CDC14A: variants seen among roughly 807,000 people sequenced by gnomAD.
CDC14A encodes cell division cycle 14A.
CDC14A carries 53 observed loss-of-function variants against 74.4 expected under a neutral mutation model. The ratio of observed to expected loss-of-function variants is 0.71; its 90% CI spans 0.57 to 0.89. The LOEUF (loss-of-function observed/expected upper bound fraction) is 0.89, where lower values mean the gene tolerates loss of function less well. Ranked by LOEUF, CDC14A falls within the 40% of genes least tolerant of loss-of-function variation. CDC14A has a pLI of 0.00. For synonymous variants in CDC14A, 247 were observed against 258.4 expected (o/e 0.96, Z 0.43); for missense variants, 646 against 713.7 (o/e 0.91, Z 1.08).
chr1:100,477,783 T>C (rs1431207087), intron 10 of CDC14A, among the ~76,000 whole-genome samples: 1 of 152,212 alleles, frequency 6.6e-6, no homozygotes, highest in Non-Finnish European at 1.5e-5. Flanking sequence ...CTGAACAAGT[T>C]AAAGTGATTG....
intron 5 of CDC14A, among the ~76,000 whole-genome samples, chr1:100,435,677 A>G (rs971948082): frequency 6.6e-6 from 1 of 151,990 alleles, no homozygotes; most frequent in African/African-American, 2.4e-5. Context: ...AAAAATACAA[A>G]AATTAGCCAG....
intron 10 of CDC14A, among the ~76,000 whole-genome samples, chr1:100,471,064 A>T (rs1325996614): frequency 6.6e-6 from 1 of 152,190 alleles, no homozygotes; most frequent in African/African-American, 2.4e-5. Context: ...ATATCATAAT[A>T]TGTTCATAAA....
chr1:100,515,275 C>G (rs1650094144), intron 15 of CDC14A, among the ~76,000 whole-genome samples: 1 of 152,194 alleles, frequency 6.6e-6, no homozygotes, highest in South Asian at 2.1e-4. Context: ...TCATCCAACA[C>G]TGTTGCTCCC....
At chr1:100,477,485 AT>A (rs1669023341) in intron 10 of CDC14A, among the ~76,000 whole-genome samples, 3 of 152,132 alleles carry the variant, frequency 2.0e-5, no homozygotes, top group South Asian at 4.2e-4. Context: ...AATTGGGTGG[AT>A]GGAGATTGGA....
chr1:100,518,185 G>A, intron 15 of CDC14A, 66 bp from the exon 16 acceptor site: 1 of 1,228,960 alleles, frequency 8.1e-7, no homozygotes, highest in Non-Finnish European at 1.2e-6. Context: ...GGGAGAAGCT[G>A]CATGACTTGC....
chr1:100,456,457 A>G (rs1666703310), intron 8 of CDC14A, among the ~76,000 whole-genome samples: 1 of 150,106 alleles, frequency 6.7e-6, no homozygotes, highest in South Asian at 2.1e-4. Flanking sequence ...CTATCTGATC[A>G]TAGAGGTGGA....
chr1:100,403,036 G>C (rs1659480698), intron 4 of CDC14A, among the ~76,000 whole-genome samples: 1 of 152,178 alleles, frequency 6.6e-6, no homozygotes, highest in South Asian at 2.1e-4. Flanking sequence ...TGATGTCCAT[G>C]GATGTGTTGG....
chr1:100,481,965 G>C (rs553554083), intron 10 of CDC14A, among the ~76,000 whole-genome samples: 1 of 152,206 alleles, frequency 6.6e-6, no homozygotes, highest in African/African-American at 2.4e-5. Context: ...AGGAATTTGC[G>C]TGAAGTGCTG....
chr1:100,419,808 G>C (rs1313911450), intron 4 of CDC14A, among the ~76,000 whole-genome samples: 1 of 151,970 alleles, frequency 6.6e-6, no homozygotes, highest in Admixed American at 6.6e-5. Flanking sequence ...CAATGTTCCA[G>C]TGGCAGCACC....
intron 2 of CDC14A, among the ~76,000 whole-genome samples, chr1:100,355,020 A>G (rs1431402668): frequency 6.6e-6 from 1 of 152,214 alleles, no homozygotes; most frequent in Non-Finnish European, 1.5e-5. Flanking sequence ...TTGAATGGCT[A>G]AAGTAAGAGT....
chr1:100,422,711 G>A (rs1341121597), intron 4 of CDC14A, among the ~76,000 whole-genome samples: 3 of 152,170 alleles, frequency 2.0e-5, no homozygotes, highest in African/African-American at 7.2e-5. Context: ...TTTGGTTGGT[G>A]TGTGCTTTAT....
At chr1:100,369,920 C>G (rs1038563139) in intron 2 of CDC14A, among the ~76,000 whole-genome samples, 8 of 151,878 alleles carry the variant, frequency 5.3e-5, no homozygotes, top group African/African-American at 1.9e-4. Flanking sequence ...AAGTGATCCT[C>G]CTGCCTCAGC....
intron 3 of CDC14A, 131 bp downstream of exon 3, chr1:100,377,752 A>T (rs1158187930): frequency 1.6e-6 from 1 of 623,312 alleles, no homozygotes; most frequent in African/African-American, 1.8e-5. Context: ...TGAGTAGTTC[A>T]CCTAGAGTTT....
chr1:100,512,021 G>A (rs989187110), intron 15 of CDC14A, among the ~76,000 whole-genome samples: 1 of 151,902 alleles, frequency 6.6e-6, no homozygotes, highest in African/African-American at 2.4e-5. Context: ...TACCTGGCAC[G>A]ACCTGCCTTA....
intron 2 of CDC14A, among the ~76,000 whole-genome samples, chr1:100,374,773 A>G (rs932436167): frequency 4.6e-5 from 7 of 152,216 alleles, no homozygotes; most frequent in Non-Finnish European, 1.0e-4. Flanking sequence ...AAATTAAATG[A>G]CTAATTCAAA....
chr1:100,429,236 T>TAAATAAATAAATAAATA (rs1242910769), intron 5 of CDC14A, among the ~76,000 whole-genome samples: 2 of 14,390 alleles, frequency 1.4e-4, no homozygotes, highest in African/African-American at 4.2e-4. Context: ...TAAATAAATA[T>TAAATAAATAAATAAATA]AAAATAAAAT....
chr1:100,496,771 A>C (rs1051378097), intron 13 of CDC14A, among the ~76,000 whole-genome samples: 5 of 152,218 alleles, frequency 3.3e-5, no homozygotes, highest in Non-Finnish European at 5.9e-5. Flanking sequence ...GCAAAACATG[A>C]GCTTAAGCTG....
At chr1:100,381,250 T>G (rs1246901341) in intron 3 of CDC14A, among the ~76,000 whole-genome samples, 1 of 152,236 alleles carries the variant, frequency 6.6e-6, no homozygotes, top group Non-Finnish European at 1.5e-5. Flanking sequence ...ATCCTTCCTG[T>G]GTGCTGATTT....
intron 15 of CDC14A, among the ~76,000 whole-genome samples, chr1:100,516,207 CACTGGGT>C (rs1269950598): frequency 1.3e-5 from 2 of 152,118 alleles, no homozygotes; most frequent in Admixed American, 1.3e-4. Flanking sequence ...TTTTCCAGTT[CACTGGGT>C]ACTGTGATTC....
Sources: gnomAD v4.1 joint callset for allele counts (sites outside exome capture counted in the v4.1 genomes callset) on GRCh38, gnomAD v4.1.1 for gene constraint, MANE v1.5 for transcripts, NCBI Gene and HGNC (gene_info 2026-07-23, HGNC 2026-07-21) for gene names.